UFSP2: variants seen among roughly 807,000 people sequenced by gnomAD.
UFSP2 encodes the protein UFM1 specific peptidase 2.
Under a neutral mutation model 60.2 loss-of-function variants are expected in UFSP2, and 43 were observed. The ratio of observed to expected loss-of-function variants is 0.71; its 90% CI spans 0.56 to 0.92. The LOEUF (loss-of-function observed/expected upper bound fraction) is 0.92, where lower values mean the gene tolerates loss of function less well. UFSP2 is among the 40% of genes least tolerant of loss of function. The pLI is 0.00. For missense variants in UFSP2, 520 were observed against 575.0 expected, an observed-to-expected ratio of 0.90 and a Z score of 0.98; for synonymous variants, 183 against 195.1, an observed-to-expected ratio of 0.94 and a Z score of 0.52.
chr4:185,412,968 C>T (rs1038889733), intron 7 of UFSP2, among the ~76,000 whole-genome samples: 9 of 152,078 alleles, frequency 5.9e-5, no homozygotes, highest in South Asian at 2.1e-4. Flanking sequence ...CCCTGGCAAC[C>T]GGGTATATGT....
chr4:185,419,731 T>C (rs1306117399), intron 2 of UFSP2, among the ~76,000 whole-genome samples: 1 of 152,244 alleles, frequency 6.6e-6, no homozygotes, highest in Non-Finnish European at 1.5e-5. Flanking sequence ...TCTTCTGTAT[T>C]GTAGCATGAA....
At chr4:185,415,474 G>C (rs1267369567) in intron 5 of UFSP2, 127 bp from the exon 6 acceptor site, 2 of 866,658 alleles carry the variant, frequency 2.3e-6, no homozygotes, top group Non-Finnish European at 3.4e-6. Context: ...AAGGAAGTCT[G>C]AATTATACAT....
rs1477578576 is a variant in UFSP2, at chr4:185,399,656, A to C, written c.*736T>G. The C allele has an allele frequency of 6.2e-7, 1 of 1,614,182 alleles. No homozygotes were observed. The highest frequency in any genetic ancestry group is 8.5e-7 in the Non-Finnish European group (1 of 1,180,024). ...TGTGCCAAGTTTCTTACAACAATTAAATGTATGCAGACAATAAAAGCAAGT... is the reference window on the plus strand; with the variant it reads ...TGTGCCAAGTTTCTTACAACAATTACATGTATGCAGACAATAAAAGCAAGT... On this transcript the variant is annotated 3_prime_UTR_variant, in exon 12 of 12. Coordinates refer to ENST00000264689, the MANE Select transcript of UFSP2 (RefSeq NM_018359.5).
In UFSP2 at chr4:185,418,585, A is replaced by G; in HGVS notation, c.266+2T>C. 1 of 1,612,682 alleles carries G rather than the reference A, an allele frequency of 6.2e-7. No individual in the cohort carries two copies. Among genetic ancestry groups the G allele is most frequent in the Non-Finnish European group, 8.5e-7 (1 of 1,179,672 alleles). On this transcript the variant is annotated splice_donor_variant, in intron 3 of 11. Coordinates refer to ENST00000264689, the MANE Select transcript of UFSP2 (RefSeq NM_018359.5). LOFTEE classifies it high-confidence loss of function. ...TTTCTAGAAATCTTCAAACATACTC[A>G]CTGAATAAAGCGCAGTATGTTCTTA...
At position 185,415,772 on chromosome 4, in the gene UFSP2, A is replaced by C; in HGVS notation, c.429T>G (p.Tyr143Ter). The change falls in exon 5 of 12, where the codon TAT becomes TAG. Residue 143 changes from tyrosine (Y) to a stop codon, truncating the protein, a stop_gained. Transcript: ENST00000264689. LOFTEE classifies it high-confidence loss of function. Reference sequence around the variant, plus strand: ...CATCGACAGGTAAAGTCATATTAACATAATGGTGTCCTCCGCTTTCCCTTT... The same window carrying C: ...CATCGACAGGTAAAGTCATATTAACCTAATGGTGTCCTCCGCTTTCCCTTT... ...IIERESGGHH[Y>*]VNMTLPVDAV... The C allele has an allele frequency of 6.2e-7, 1 of 1,613,854 alleles. No individual in the cohort carries two copies.
chr4:185,405,590 TATA>T (rs1486246928), intron 10 of UFSP2, among the ~76,000 whole-genome samples, 187 bp downstream of exon 10: 3 of 152,262 alleles, frequency 2.0e-5, no homozygotes, highest in Non-Finnish European at 4.4e-5. Flanking sequence ...TTCTGGTTAT[TATA>T]ATCTTTTTTG....
rs190183417 is a variant in UFSP2 at position 185,415,418 on chromosome 4, A to T, written c.492-71T>A. On this transcript the variant is annotated intron_variant, in intron 5 of 11. Transcript: ENST00000264689. The stretch of plus-strand genomic sequence containing the variant: ...TACAATAAAGAAAAGTACAGAGCTA[A>T]TATATCCTTAGTATAGTAAAAAACT... 3.3e-4 allele frequency: 438 copies of T among 1,325,836 alleles called. 3 individuals are homozygous for T. The African/African-American group carries it at 6.0e-3, about 18-fold the overall frequency. 82.1% of individuals were successfully genotyped at this position (1,325,836 alleles called of 1,614,324 possible).
intron 7 of UFSP2, among the ~76,000 whole-genome samples, chr4:185,411,952 C>T (rs190949429): frequency 7.2e-5 from 11 of 152,152 alleles, no homozygotes; most frequent in African/African-American, 1.4e-4. Context: ...GTAACATATA[C>T]GCTGAAACTA....
chr4:185,411,465 T>G (rs1181173511), intron 7 of UFSP2, among the ~76,000 whole-genome samples: 1 of 152,042 alleles, frequency 6.6e-6, no homozygotes, highest in African/African-American at 2.4e-5. Context: ...GAGAAGAAAA[T>G]TATAAGCCAG....
chr4:185,424,252 G>A (rs531699224), intron 1 of UFSP2, among the ~76,000 whole-genome samples: 1 of 152,152 alleles, frequency 6.6e-6, no homozygotes, highest in African/African-American at 2.4e-5. Context: ...GCTACAGTGA[G>A]CCATGATCAC....
rs115283326 is a variant in UFSP2, at chr4:185,418,495, T to C, written c.279A>G (p.Glu93=). 745 of 1,612,274 alleles carry C rather than the reference T, an allele frequency of 4.6e-4. 4 individuals are homozygous for C. In the African/African-American group the frequency reaches 8.5e-3, roughly 18 times the overall value. The change falls in exon 4 of 12, where the codon GAA becomes GAG. Residue 93 remains glutamate, a synonymous_variant. Transcript: ENST00000264689. Reference sequence around the variant, plus strand: ...TCATGAATTTTCTTTTTATATCTTCTTCTGGCTCAAATCTAAATTTTTAAT... The same window carrying C: ...TCATGAATTTTCTTTTTATATCTTCCTCTGGCTCAAATCTAAATTTTTAAT... The part of the protein sequence containing the change: ...NILRFIQFEP[E]EDIKRKFMRK...
intron 1 of UFSP2, 127 bp downstream of exon 1, chr4:185,425,739 G>C: frequency 1.4e-6 from 2 of 1,402,188 alleles, no homozygotes; most frequent in Non-Finnish European, 2.0e-6. Flanking sequence ...CCCTGCCCAC[G>C]CAGCTCGCAG....
At chr4:185,410,886 C>T (rs1243741778) in intron 7 of UFSP2, among the ~76,000 whole-genome samples, 1 of 145,880 alleles carries the variant, frequency 6.9e-6, no homozygotes, top group Non-Finnish European at 1.5e-5. Context: ...GCGGAGGTTG[C>T]AGTGAGCCAA....
At chr4:185,414,170 G>A (rs1404656481) in intron 6 of UFSP2, among the ~76,000 whole-genome samples, 1 of 152,188 alleles carries the variant, frequency 6.6e-6, no homozygotes, top group Non-Finnish European at 1.5e-5. Context: ...AACATAGTCT[G>A]TTAAAATACA....
chr4:185,422,415 A>T, intron 2 of UFSP2, 70 bp downstream of exon 2: 1 of 1,160,838 alleles, frequency 8.6e-7, no homozygotes, highest in South Asian at 1.4e-5. Context: ...TTTCATTTGC[A>T]AAGTGGAAAT....
chr4:185,415,926 TA>T, intron 4 of UFSP2, 59 bp from the exon 5 acceptor site: 1 of 1,382,150 alleles, frequency 7.2e-7, no homozygotes, highest in Non-Finnish European at 9.7e-7. Flanking sequence ...ATATAAAGAG[TA>T]AGTAAAAAGA....
chr4:185,420,275 AAT>A lies in UFSP2; in HGVS notation c.83-1507_83-1506del, dbSNP rs564071122. On this transcript the variant is annotated intron_variant, in intron 2 of 11. Coordinates refer to ENST00000264689, the MANE Select transcript of UFSP2 (RefSeq NM_018359.5). ...TTTCCTTTTAATAGACTTTTTAAAA[AAT>A]ATGTTTGAATATTCAAAAAATTAGA... Among the ~76,000 whole-genome samples, 50 of 152,306 alleles carry A rather than the reference AAT, an allele frequency of 3.3e-4. 1 individual carries two copies. The highest frequency in any genetic ancestry group is 1.1e-3 in the African/African-American group (47 of 41,574).
chr4:185,413,212 AC>A (rs2095532580), intron 7 of UFSP2, among the ~76,000 whole-genome samples: 1 of 151,816 alleles, frequency 6.6e-6, no homozygotes, highest in African/African-American at 2.4e-5. Context: ...ACATGGTGAA[AC>A]CCTGTCTCTA....
chr4:185,413,904 A>G (rs1478293110), intron 6 of UFSP2, 32 bp from the exon 7 acceptor site: 1 of 1,556,236 alleles, frequency 6.4e-7, no homozygotes, highest in East Asian at 2.3e-5. Context: ...AGAAAAAGAA[A>G]AAATGTTGGT....
Sources: gnomAD v4.1 joint callset for allele counts (sites outside exome capture counted in the v4.1 genomes callset) on GRCh38, gnomAD v4.1.1 for gene constraint, MANE v1.5 for transcripts, NCBI Gene and HGNC (gene_info 2026-07-23, HGNC 2026-07-21) for gene names.